VPS13D: variants seen among roughly 807,000 people sequenced by gnomAD.
The protein encoded by VPS13D is vacuolar protein sorting 13 homolog D.
Under a neutral mutation model 461.9 loss-of-function variants are expected in VPS13D, and 187 were observed. The ratio of observed to expected loss-of-function variants is 0.40; its 90% confidence interval spans 0.36 to 0.46. The LOEUF is 0.46. Among genes scored for constraint, VPS13D ranks in the 20% least tolerant of loss-of-function variants. The pLI is 0.60. For missense variants in VPS13D, 4,711 were observed against 5,364.9 expected (o/e 0.88, Z 3.81); for synonymous variants, 1,951 against 1,986.3 (o/e 0.98, Z 0.47).
chr1:12,419,327 G>C (rs1644833244), intron 65 of VPS13D, among the ~76,000 whole-genome samples: 1 of 152,234 alleles, frequency 6.6e-6, no homozygotes, highest in South Asian at 2.1e-4. Flanking sequence ...TAGTATTGGA[G>C]CCACAGGCTG....
rs72869511 is a variant in VPS13D, at chr1:12,481,825, C to G, written c.12663-15675C>G. ...AGCCTCAAAACCAGTTCCAGATGTTCTCTCTCCCTATATTGGCCAGAAGGG... is the reference window on the plus strand; with the variant it reads ...AGCCTCAAAACCAGTTCCAGATGTTGTCTCTCCCTATATTGGCCAGAAGGG... On this transcript the variant is annotated intron_variant, in intron 67 of 69. Transcript: ENST00000620676. 4.1e-3 allele frequency among the ~76,000 whole-genome samples: 626 copies of G among 152,326 alleles called. 5 individuals carry two copies. Among genetic ancestry groups the G allele is most frequent in the African/African-American group, 0.014 (589 of 41,568 alleles).
At position 12,279,728 on chromosome 1, in the gene VPS13D, A is replaced by G; in HGVS notation, c.4602+78A>G. ...AATATGATATATATTTATGTATATT[A>G]CATGTTGGAAGGAATATATATTTTC... On this transcript the variant is annotated intron_variant, in intron 20 of 69. Coordinates refer to ENST00000620676, the MANE Select transcript of VPS13D (RefSeq NM_015378.4). This position sits in a 1 kb window ranked among gnomAD's most constrained non-coding sequence, Gnocchi z 4.3. 1 of 1,212,526 alleles carries G rather than the reference A, an allele frequency of 8.2e-7. No individual in the cohort carries two copies. The allele number at this position is 1,212,526 out of a possible 1,614,324, so 75.1% of individuals were successfully genotyped here.
chr1:12,358,663 G>T, intron 50 of VPS13D, 62 bp downstream of exon 50: 2 of 1,583,040 alleles, frequency 1.3e-6, no homozygotes, highest in African/African-American at 1.3e-5. Context: ...CAGGCTTGGA[G>T]GAATGACCTG....
intron 46 of VPS13D, 59 bp downstream of exon 46, chr1:12,349,433 A>C (rs1643748962): frequency 6.8e-7 from 1 of 1,471,580 alleles, no homozygotes; most frequent in African/African-American, 1.4e-5. Context: ...TTTTGGAATG[A>C]CTATTACCAT....
At chr1:12,386,075 T>G in intron 59 of VPS13D, 110 bp from the exon 60 acceptor site, 1 of 1,312,112 alleles carries the variant, frequency 7.6e-7, no homozygotes, top group Non-Finnish European at 1.0e-6. Context: ...TTTCATCTGC[T>G]GAGAGATCGG....
intron 67 of VPS13D, among the ~76,000 whole-genome samples, chr1:12,463,572 G>A (rs1315351044): frequency 1.3e-5 from 2 of 151,750 alleles, no homozygotes; most frequent in Non-Finnish European, 2.9e-5. Flanking sequence ...GCAACACAAT[G>A]CCCCCATCTC....
chr1:12,271,502 C>T (rs543309188), intron 17 of VPS13D, among the ~76,000 whole-genome samples: 2 of 152,044 alleles, frequency 1.3e-5, no homozygotes, highest in South Asian at 2.1e-4. Context: ...AACCCCATCT[C>T]TACTAAAAAT....
intron 53 of VPS13D, among the ~76,000 whole-genome samples, chr1:12,369,034 A>G (rs1156714714): frequency 6.6e-6 from 1 of 152,238 alleles, no homozygotes; most frequent in Non-Finnish European, 1.5e-5. Context: ...TCAAATAATA[A>G]TAGGTCTTAT....
chr1:12,251,624 A>G (rs1218788904), intron 6 of VPS13D, among the ~76,000 whole-genome samples: 1 of 152,158 alleles, frequency 6.6e-6, no homozygotes, highest in African/African-American at 2.4e-5. Context: ...TTGATCCCAT[A>G]CACTGGCTCA....
chr1:12,269,240 A>G (rs1454530863), intron 16 of VPS13D, among the ~76,000 whole-genome samples: 21 of 152,188 alleles, frequency 1.4e-4, no homozygotes, highest in Admixed American at 1.4e-3. Context: ...ATCGGTACCT[A>G]TCTTAAAATA....
chr1:12,257,812 T>G (rs140528008), intron 9 of VPS13D, 123 bp from the exon 10 acceptor site: 1 of 1,188,360 alleles, frequency 8.4e-7, no homozygotes, highest in African/African-American at 1.5e-5. Flanking sequence ...ATATATAAAC[T>G]GGTGGCTGAC....
rs373863859 is a variant in VPS13D at position 12,376,522 on chromosome 1, A to G, written c.10918-1906A>G. Among the ~76,000 whole-genome samples, 40 of 152,336 alleles carry G rather than the reference A, an allele frequency of 2.6e-4. 3 individuals are homozygous for G. The highest frequency in any genetic ancestry group is 2.1e-3 in the Admixed American group (32 of 15,304). On this transcript the variant is annotated intron_variant, in intron 55 of 69. Coordinates refer to ENST00000620676, the MANE Select transcript of VPS13D (RefSeq NM_015378.4). ...TGTTACATTTATTACACTTATCACA[A>G]AAACCATGAGGCAATTTTTCTCGTT... is the stretch of plus-strand genomic sequence containing the variant.
intron 65 of VPS13D, among the ~76,000 whole-genome samples, chr1:12,451,028 A>G (rs1250929263): frequency 1.3e-5 from 2 of 152,240 alleles, no homozygotes; most frequent in Admixed American, 1.3e-4. Context: ...TTCAAGCCCC[A>G]GCTCCTGTTA....
At chr1:12,341,686 A>G in intron 40 of VPS13D, 94 bp from the exon 41 acceptor site, 1 of 1,108,628 alleles carries the variant, frequency 9.0e-7, no homozygotes, top group Non-Finnish European at 1.3e-6. Flanking sequence ...CCCTTTGCAC[A>G]AGAGACAAAT....
At chr1:12,318,853 T>C (rs1642957823) in intron 31 of VPS13D, among the ~76,000 whole-genome samples, 1 of 152,222 alleles carries the variant, frequency 6.6e-6, no homozygotes, top group Admixed American at 6.5e-5. Context: ...TTTATTGTTA[T>C]GTTTCTGATA....
At chr1:12,291,967 A>T (rs928221409) in intron 23 of VPS13D, among the ~76,000 whole-genome samples, 1 of 152,008 alleles carries the variant, frequency 6.6e-6, no homozygotes, top group African/African-American at 2.4e-5. Context: ...TTAAAGAATT[A>T]TTTTCTCAGG....
At chr1:12,364,774 G>A (rs530971430) in intron 52 of VPS13D, among the ~76,000 whole-genome samples, 27 of 152,250 alleles carry the variant, frequency 1.8e-4, no homozygotes, top group African/African-American at 6.3e-4. Context: ...CTTTTCATGT[G>A]CTTTTTGGCC....
At chr1:12,230,755 G>A (rs1367996417) in intron 1 of VPS13D, among the ~76,000 whole-genome samples, 1 of 151,168 alleles carries the variant, frequency 6.6e-6, no homozygotes, top group Non-Finnish European at 1.5e-5. Context: ...CCAGACATCA[G>A]GCCTAAAACC....
intron 65 of VPS13D, among the ~76,000 whole-genome samples, chr1:12,430,166 A>T (rs1237725046): frequency 6.6e-6 from 1 of 152,220 alleles, no homozygotes; most frequent in Non-Finnish European, 1.5e-5. Flanking sequence ...AGCAAGGATC[A>T]TGCCAAAGTT....
Sources: gnomAD v4.1 joint callset for allele counts (sites outside exome capture counted in the v4.1 genomes callset) on GRCh38, gnomAD v4.1.1 for gene constraint, Gnocchi (gnomAD v3.1) non-coding constraint, MANE v1.5 for transcripts, NCBI Gene and HGNC (gene_info 2026-07-23, HGNC 2026-07-21) for gene names.